STAG1: variants seen among roughly 807,000 people sequenced by gnomAD.
STAG1 encodes the protein cohesin subunit SA-1.
In STAG1, 26 loss-of-function variants were observed where a neutral mutation model predicts 170.9. That is an observed-to-expected ratio of 0.15 (90% CI 0.11 to 0.21). The LOEUF is 0.21. STAG1 is among the 10% of genes least tolerant of loss of function. The pLI is 1.00. For missense variants in STAG1, 964 were observed against 1,509.5 expected (o/e 0.64, Z 5.99); for synonymous variants, 514 against 497.7 (o/e 1.03, Z -0.44).
chr3:136,557,980 A>G (rs1218911130), intron 5 of STAG1, among the ~76,000 whole-genome samples: 1 of 152,250 alleles, frequency 6.6e-6, no homozygotes, highest in Non-Finnish European at 1.5e-5. Context: ...GAACAAAGAC[A>G]GACAAAAATC....
At chr3:136,696,071 A>T (rs1375151225) in intron 1 of STAG1, among the ~76,000 whole-genome samples, 1 of 152,192 alleles carries the variant, frequency 6.6e-6, no homozygotes, top group Non-Finnish European at 1.5e-5. Flanking sequence ...GAACAAACAA[A>T]AGATTGGGGT....
intron 1 of STAG1, among the ~76,000 whole-genome samples, chr3:136,650,424 T>C (rs957839569): frequency 6.6e-6 from 1 of 152,248 alleles, no homozygotes; most frequent in Non-Finnish European, 1.5e-5. Context: ...GCAACTTTTA[T>C]TCTTTGCTTT....
intron 6 of STAG1, among the ~76,000 whole-genome samples, chr3:136,538,586 T>C (rs1193071194): frequency 6.6e-6 from 1 of 151,956 alleles, no homozygotes; most frequent in Non-Finnish European, 1.5e-5. Context: ...TCCTGGCAAA[T>C]TTTTGTATTT....
chr3:136,352,717 CA>C, intron 28 of STAG1, among the ~76,000 whole-genome samples: 1 of 152,112 alleles, frequency 6.6e-6, no homozygotes, highest in South Asian at 2.1e-4. Context: ...TAGTATTAAA[CA>C]AATTTCATAG....
chr3:136,418,695 G>A (rs1355379996), intron 20 of STAG1, among the ~76,000 whole-genome samples: 3 of 151,564 alleles, frequency 2.0e-5, no homozygotes, highest in African/African-American at 7.3e-5. Context: ...AGGCTGAAGT[G>A]AAGTGGCAAG....
chr3:136,708,174 T>C (rs1196595936), intron 1 of STAG1, among the ~76,000 whole-genome samples: 1 of 151,992 alleles, frequency 6.6e-6, no homozygotes, highest in Non-Finnish European at 1.5e-5. Context: ...AAAATATATA[T>C]CCACACAGCA....
chr3:136,367,767 G>T (rs913646611), intron 24 of STAG1, among the ~76,000 whole-genome samples: 1 of 151,976 alleles, frequency 6.6e-6, no homozygotes, highest in Non-Finnish European at 1.5e-5. Context: ...AAAATATTTT[G>T]CATACCATGT....
chr3:136,493,970 A>G (rs945063405), intron 9 of STAG1, among the ~76,000 whole-genome samples: 1 of 152,224 alleles, frequency 6.6e-6, no homozygotes, highest in Non-Finnish European at 1.5e-5. Flanking sequence ...ACTCAAAAAC[A>G]ACAAAAAATC....
chr3:136,747,241 C>G (rs2107958074), intron 1 of STAG1, among the ~76,000 whole-genome samples: 1 of 151,420 alleles, frequency 6.6e-6, no homozygotes, highest in South Asian at 2.1e-4. Flanking sequence ...CCACTGCACT[C>G]CAGCCTGGGC....
At chr3:136,639,477 T>G (rs555145899) in intron 1 of STAG1, among the ~76,000 whole-genome samples, 1 of 152,204 alleles carries the variant, frequency 6.6e-6, no homozygotes, top group Non-Finnish European at 1.5e-5. Flanking sequence ...TACATACTCA[T>G]ACAAATAAGA....
At chr3:136,666,149 C>T (rs896403623) in intron 1 of STAG1, among the ~76,000 whole-genome samples, 4 of 138,212 alleles carry the variant, frequency 2.9e-5, no homozygotes, top group Non-Finnish European at 6.2e-5. Flanking sequence ...CTGAGTGTGA[C>T]ACTTCCTCCC....
chr3:136,498,631 C>A (rs1388887672), intron 9 of STAG1, among the ~76,000 whole-genome samples: 4 of 150,890 alleles, frequency 2.7e-5, no homozygotes, highest in African/African-American at 9.8e-5. Flanking sequence ...TGTCAAAACT[C>A]ATCAAATTAT....
At chr3:136,611,610 T>A (rs1939281765) in intron 3 of STAG1, among the ~76,000 whole-genome samples, 1 of 143,774 alleles carries the variant, frequency 7.0e-6, no homozygotes, top group Non-Finnish European at 1.5e-5. Context: ...TCCTCCAGCC[T>A]AAGCCACCTA....
At chr3:136,622,666 T>C (rs576516137) in intron 3 of STAG1, among the ~76,000 whole-genome samples, 28 of 152,346 alleles carry the variant, frequency 1.8e-4, no homozygotes, top group African/African-American at 5.8e-4. Flanking sequence ...GTATCTTCTA[T>C]AGGGTTTATG....
intron 1 of STAG1, among the ~76,000 whole-genome samples, chr3:136,635,162 CACT>C (rs1466838752): frequency 1.3e-5 from 2 of 152,142 alleles, no homozygotes; most frequent in African/African-American, 2.4e-5. Flanking sequence ...TACACAAAAA[CACT>C]ACAAGAAAAT....
At chr3:136,627,350 C>A (rs1940150045) in intron 2 of STAG1, among the ~76,000 whole-genome samples, 1 of 152,156 alleles carries the variant, frequency 6.6e-6, no homozygotes, top group African/African-American at 2.4e-5. Context: ...CTGCAGAATA[C>A]CACTGTTAAT....
At chr3:136,376,031 T>TAAAATAAAATAAAATAAAAC (rs1208838422) in intron 23 of STAG1, among the ~76,000 whole-genome samples, 1 of 144,306 alleles carries the variant, frequency 6.9e-6, no homozygotes, top group African/African-American at 2.6e-5. Context: ...TAAAATAAAA[T>TAAAATAAAATAAAATAAAAC]AAAATAAAAT....
At chr3:136,574,056 CA>C (rs1303012770) in intron 4 of STAG1, among the ~76,000 whole-genome samples, 1 of 151,944 alleles carries the variant, frequency 6.6e-6, no homozygotes, top group Non-Finnish European at 1.5e-5. Flanking sequence ...TCCTGGCTAA[CA>C]CGGTGAAATC....
At chr3:136,678,891 A>AAAAAAAAAT (rs1942233992) in intron 1 of STAG1, among the ~76,000 whole-genome samples, 1 of 151,376 alleles carries the variant, frequency 6.6e-6, no homozygotes, top group African/African-American at 2.4e-5. Flanking sequence ...AGAAAAAAAA[A>AAAAAAAAAT]AAACAATCAG....
Sources: allele counts gnomAD v4.1 joint callset (sites outside exome capture counted in the v4.1 genomes callset), GRCh38; gene constraint gnomAD v4.1.1; transcripts MANE v1.5; gene names NCBI Gene and HGNC (gene_info 2026-07-23, HGNC 2026-07-21).